MLYCD: variants seen among roughly 807,000 people sequenced by gnomAD.
MLYCD encodes the protein malonyl-CoA decarboxylase, also known as malonyl-CoA decarboxylase, mitochondrial.
Under a neutral mutation model 35.8 loss-of-function variants are expected in MLYCD, and 27 were observed. The observed-to-expected ratio is 0.75, with a 90% CI of 0.56 to 1.04. MLYCD has a LOEUF of 1.04. Among genes scored for constraint, MLYCD ranks in the 50% least tolerant of loss-of-function variants. The pLI is 0.00. For synonymous variants in MLYCD, 403 were observed against 302.4 expected, an observed-to-expected ratio of 1.33 and a Z score of -3.45; for missense variants, 917 against 665.1, an observed-to-expected ratio of 1.38 and a Z score of -4.17.
At chr16:83,901,938 A>C (rs1906801486) in intron 1 of MLYCD, among the ~76,000 whole-genome samples, 1 of 152,082 alleles carries the variant, frequency 6.6e-6, no homozygotes, top group Admixed American at 6.5e-5. Context: ...GCCTCTGCAT[A>C]TGGTTTGGAC....
chr16:83,908,184 T>C lies in MLYCD; in HGVS notation c.700T>C (p.Tyr234His). 1 of 1,614,254 alleles carries C rather than the reference T, an allele frequency of 6.2e-7. No homozygotes were observed. Among genetic ancestry groups the C allele is most frequent in the South Asian group, 1.1e-5 (1 of 91,086 alleles). The change falls in exon 3 of 5, where the codon TAC (tyrosine) becomes CAC (histidine). Residue 234 changes from tyrosine (Y) to histidine (H), a missense_variant. Physicochemically the swap from Tyr to His is moderately conservative, Grantham distance 83 (BLOSUM62 2). Coordinates refer to ENST00000262430, the MANE Select transcript of MLYCD (RefSeq NM_012213.3). ...GGACATGAAGCGCCGCGTTGGGCCC[T>C]ACAGAAGGTGTTACTTCTTTTCTCA... is the stretch of plus-strand genomic sequence containing the variant. ...WMDMKRRVGP[Y>H]RRCYFFSHCS... is the part of the protein sequence containing the mutation.
chr16:83,911,863 C>T (rs1317102285), intron 3 of MLYCD: 10 of 327,006 alleles, frequency 3.1e-5, no homozygotes, highest in Non-Finnish European at 5.3e-5. Context: ...CTCAAGGATC[C>T]GTGTGTTATC....
chr16:83,903,234 C>T (rs1374171705), intron 1 of MLYCD, among the ~76,000 whole-genome samples: 2 of 152,156 alleles, frequency 1.3e-5, no homozygotes, highest in African/African-American at 4.8e-5. Flanking sequence ...GAGAAGGGAC[C>T]TGGTTCCCAC....
At position 83,912,043 on chromosome 16, in the gene MLYCD, G is replaced by C. The variant is rs916953574; in HGVS notation, c.799-175G>C. On this transcript the variant is annotated intron_variant, in intron 3 of 4. Coordinates refer to ENST00000262430, the MANE Select transcript of MLYCD (RefSeq NM_012213.3). Reference sequence around the variant, plus strand: ...GCGGTGGAGTCGCCTCCTCCAGAGAGTTTTCAAAACAGAGCAGCTTTTAGG... The same window carrying C: ...GCGGTGGAGTCGCCTCCTCCAGAGACTTTTCAAAACAGAGCAGCTTTTAGG... The C allele has an allele frequency of 1.1e-4, 102 of 887,716 alleles. 1 individual carries two copies. The African/African-American group carries it at 1.2e-3, about 11-fold the overall frequency. The allele number at this position is 887,716 out of a possible 1,614,324, so 55.0% of individuals were successfully genotyped here. A position where few individuals can be genotyped will look rare whatever the true frequency, so the allele number is the denominator to read the frequency against.
intron 4 of MLYCD, 52 bp from the exon 5 acceptor site, chr16:83,914,904 G>A (rs1286521380): frequency 6.2e-7 from 1 of 1,613,086 alleles, no homozygotes; most frequent in Non-Finnish European, 8.5e-7. Flanking sequence ...TAACGTACCT[G>A]CTGAATTTGT....
At position 83,912,857 on chromosome 16, in the gene MLYCD, A is replaced by T. The variant is rs1907230177; in HGVS notation, c.948+490A>T. The stretch of plus-strand genomic sequence containing the variant: ...GCCTGTGAGGGAGTGCTGAGGTGAG[A>T]CCAGACAGCTCGAAGGTAAATGCAT... On this transcript the variant is annotated intron_variant, in intron 4 of 4. Transcript: ENST00000262430. 1.8e-5 allele frequency: 4 copies of T among 222,744 alleles called. No individual in the cohort carries two copies. The South Asian group carries it at 2.8e-4, about 16-fold the overall frequency. 13.8% of individuals were successfully genotyped at this position (222,744 alleles called of 1,614,324 possible). A position where few individuals can be genotyped will look rare whatever the true frequency, so the allele number is the denominator to read the frequency against.
Position 83,915,113 on chromosome 16 carries a change from G to A in MLYCD, c.1106G>A (p.Gly369Asp). 2 of 1,614,268 alleles carry A rather than the reference G, an allele frequency of 1.2e-6. No homozygotes were observed. The highest frequency in any genetic ancestry group is 1.7e-6 in the Non-Finnish European group (2 of 1,180,054). The change falls in exon 5 of 5, where the codon GGC becomes GAC. Residue 369 changes from glycine (G) to aspartate (D), a missense_variant. Gly to Asp is a moderately conservative substitution (Grantham distance 94). Coordinates refer to ENST00000262430, the MANE Select transcript of MLYCD (RefSeq NM_012213.3). Reference sequence around the variant, plus strand: ...AAGGAAATCTCGGAGATCACAGGTGGCCCCATTAACGAGACCCTCAAGCTC... The same window carrying A: ...AAGGAAATCTCGGAGATCACAGGTGACCCCATTAACGAGACCCTCAAGCTC... ...ECKEISEITG[G>D]PINETLKLLL...
chr16:83,900,928 G>T (rs148794030), intron 1 of MLYCD, among the ~76,000 whole-genome samples: 3 of 152,148 alleles, frequency 2.0e-5, no homozygotes, highest in African/African-American at 7.2e-5. Flanking sequence ...CTAATCCAGG[G>T]TTATTTGCAC....
Position 83,919,159 on chromosome 16 carries a change from A to T in MLYCD, c.*3670A>T, listed in dbSNP as rs1363022714. On this transcript the variant is annotated 3_prime_UTR_variant, in exon 5 of 5. Transcript: ENST00000262430. ...CAGTGCACAGGAGAACACAGTGCAC[A>T]GGAGAATACACACGGTGCACAGGAG... 1 of 150,994 alleles carries T rather than the reference A, an allele frequency of 6.6e-6. No individual in the cohort carries two copies. Among genetic ancestry groups the T allele is most frequent in the Non-Finnish European group, 1.5e-5 (1 of 67,906 alleles). 9.4% of individuals were successfully genotyped at this position (150,994 alleles called of 1,614,324 possible).
At chr16:83,900,189 A>G (rs375259880) in intron 1 of MLYCD, among the ~76,000 whole-genome samples, 3 of 152,132 alleles carry the variant, frequency 2.0e-5, no homozygotes, top group South Asian at 2.1e-4. Context: ...AGGAGTCTCC[A>G]TGGCTTCTGG....
chr16:83,903,603 A>T (rs976204487), intron 1 of MLYCD, among the ~76,000 whole-genome samples: 25 of 152,218 alleles, frequency 1.6e-4, no homozygotes, highest in African/African-American at 6.0e-4. Flanking sequence ...TAAAAGGAAA[A>T]GTGGGCTGGT....
intron 3 of MLYCD, among the ~76,000 whole-genome samples, chr16:83,910,049 C>CT (rs1202934640): frequency 6.6e-6 from 1 of 152,110 alleles, no homozygotes; most frequent in Non-Finnish European, 1.5e-5. Flanking sequence ...CATCCTGACT[C>CT]TAAGGGCACG....
intron 1 of MLYCD, 72 bp downstream of exon 1, chr16:83,899,744 T>C: frequency 7.0e-7 from 1 of 1,423,706 alleles, no homozygotes; most frequent in Non-Finnish European, 9.2e-7. Flanking sequence ...ACTTGCCCCC[T>C]CCAAGTCCCA....
intron 3 of MLYCD, 89 bp from the exon 4 acceptor site, chr16:83,912,129 A>G: frequency 6.4e-7 from 1 of 1,572,824 alleles, no homozygotes; most frequent in East Asian, 2.2e-5. Flanking sequence ...CAGTGCTCTG[A>G]GAATTGTCTT....
chr16:83,900,945 T>A (rs1396281707), intron 1 of MLYCD, among the ~76,000 whole-genome samples: 1 of 152,222 alleles, frequency 6.6e-6, no homozygotes, highest in Non-Finnish European at 1.5e-5. Context: ...GCACTACGCT[T>A]TATATCACTG....
Position 83,924,472 on chromosome 16 carries a change from C to G in MLYCD, c.*8983C>G, listed in dbSNP as rs11644512. 14,710 of 152,206 alleles carry G rather than the reference C, an allele frequency of 0.097. 830 individuals carry two copies. The highest frequency in any genetic ancestry group is 0.13 in the Non-Finnish European group (8,899 of 67,988). 9.4% of individuals were successfully genotyped at this position (152,206 alleles called of 1,614,324 possible). ...GCGTCTGTGACAGAGGCTTGAACCC[C>G]CGGCTTGTTCTCTCACGTCTGTTGC... On this transcript the variant is annotated 3_prime_UTR_variant, in exon 5 of 5. Transcript: ENST00000262430.
At chr16:83,903,149 C>T (rs751550379) in intron 1 of MLYCD, among the ~76,000 whole-genome samples, 14 of 152,048 alleles carry the variant, frequency 9.2e-5, no homozygotes, top group Non-Finnish European at 2.1e-4. Context: ...GGAAAGGGTT[C>T]CTCATGGGCA....
intron 1 of MLYCD, among the ~76,000 whole-genome samples, chr16:83,906,666 T>C (rs745897098): frequency 9.2e-5 from 14 of 152,326 alleles, no homozygotes; most frequent in Non-Finnish European, 1.3e-4. Context: ...TTTATATGAT[T>C]AGTATGCTCA....
intron 3 of MLYCD, among the ~76,000 whole-genome samples, chr16:83,909,595 C>T (rs1319014652): frequency 6.6e-6 from 1 of 150,496 alleles, no homozygotes; most frequent in Non-Finnish European, 1.5e-5. Context: ...CCCTGAGCAC[C>T]CTGTGATTTA....
Sources: allele counts gnomAD v4.1 joint callset (sites outside exome capture counted in the v4.1 genomes callset), GRCh38; gene constraint gnomAD v4.1.1; transcripts MANE v1.5; gene names NCBI Gene and HGNC (gene_info 2026-07-23, HGNC 2026-07-21).